The following CAT variants were observed in gnomAD, a reference collection of about 807,000 sequenced individuals.
CAT encodes the protein epididymis secretory sperm binding protein.
In CAT, 43 loss-of-function variants were observed where a neutral mutation model predicts 59.0. The observed-to-expected ratio is 0.73, with a 90% CI of 0.57 to 0.94. The LOEUF (loss-of-function observed/expected upper bound fraction) is 0.94, where lower values mean the gene tolerates loss of function less well. CAT is among the 40% of genes least tolerant of loss of function. CAT has a pLI of 0.00. For synonymous variants in CAT, 218 were observed against 230.9 expected, an observed-to-expected ratio of 0.94 and a Z score of 0.51; for missense variants, 664 against 682.9, an observed-to-expected ratio of 0.97 and a Z score of 0.31.
chr11:34,468,349 T>G lies in CAT; in HGVS notation c.1388T>G (p.Ile463Ser), dbSNP rs903991553. 2 of 1,614,152 alleles carry G rather than the reference T, an allele frequency of 1.2e-6. No individual in the cohort carries two copies. The highest frequency in any genetic ancestry group is 1.7e-6 in the Non-Finnish European group (2 of 1,179,992). ...EEQRKRLCENIAGHLKDAQIF... is the reference protein window; with the variant it reads ...EEQRKRLCENSAGHLKDAQIF... The stretch of plus-strand genomic sequence containing the variant: ...CAGAGGAAACGTCTGTGTGAGAACA[T>G]TGCCGGCCACCTGAAGGATGCACAA... Residue 463 changes from isoleucine to serine, a missense_variant, in exon 11 of 13, where the codon ATT becomes AGT. By Grantham distance (142) the Ile-to-Ser change is moderately radical (BLOSUM62 -2). Coordinates refer to ENST00000241052, the MANE Select transcript of CAT (RefSeq NM_001752.4).
intron 1 of CAT, among the ~76,000 whole-genome samples, chr11:34,441,343 T>C (rs1405306257): frequency 6.6e-6 from 1 of 152,260 alleles, no homozygotes; most frequent in Non-Finnish European, 1.5e-5. Flanking sequence ...ATTACGTTAC[T>C]CCATCTGTCT....
chr11:34,468,418 G>T, intron 11 of CAT, 23 bp downstream of exon 11: 2 of 1,520,076 alleles, frequency 1.3e-6, no homozygotes, highest in Non-Finnish European at 1.8e-6. Flanking sequence ...AAGCTGAAGG[G>T]TGTCCTCTGC....
At chr11:34,468,518 A>T (rs894768644) in intron 11 of CAT, 123 bp downstream of exon 11, 6 of 713,334 alleles carry the variant, frequency 8.4e-6, no homozygotes, top group Non-Finnish European at 1.5e-5. Flanking sequence ...CTTAAAAAAA[A>T]AAAAATAAAC....
chr11:34,456,030 A>C lies in CAT; in HGVS notation c.731A>C (p.Asn244Thr). Reference sequence around the variant, plus strand: ...TTGTAGACTGACCAGGGCATCAAAAACCTTTCTGTTGAAGATGCGGCGAGA... The same window carrying C: ...TTGTAGACTGACCAGGGCATCAAAACCCTTTCTGTTGAAGATGCGGCGAGA... ...FHYKTDQGIK[N>T]LSVEDAARLS... Residue 244 changes from asparagine to threonine, a missense_variant, in exon 7 of 13, where the codon AAC becomes ACC. Physicochemically the swap from Asn to Thr is moderately conservative, Grantham distance 65. Transcript: ENST00000241052. 1 of 1,614,088 alleles carries C rather than the reference A, an allele frequency of 6.2e-7. No individual in the cohort carries two copies. The highest frequency in any genetic ancestry group is 8.5e-7 in the Non-Finnish European group (1 of 1,179,998).
chr11:34,441,784 A>C (rs1434889566), intron 1 of CAT, among the ~76,000 whole-genome samples: 1 of 151,518 alleles, frequency 6.6e-6, no homozygotes, highest in African/African-American at 2.4e-5. Flanking sequence ...ACAGAGGGAG[A>C]CCCTGTCTTA....
Position 34,471,394 on chromosome 11 carries a change from C to T in CAT, c.1545C>T (p.Ser515=), listed in dbSNP as rs368688475. The change falls in exon 13 of 13, where the codon TCC becomes TCT. Residue 515 remains serine (S), a synonymous_variant. Coordinates refer to ENST00000241052, the MANE Select transcript of CAT (RefSeq NM_001752.4). ...ATGCGATTCACACCTTTGTGCAGTC[C>T]GGATCTCACTTGGCGGCAAGGGAGA... ...PKNAIHTFVQ[S]GSHLAAREKA... is the part of the protein sequence containing the mutation. 23 of 1,613,900 alleles carry T rather than the reference C, an allele frequency of 1.4e-5. No individual in the cohort carries two copies. The highest frequency in any genetic ancestry group is 4.5e-5 in the East Asian group (2 of 44,890).
chr11:34,446,611 C>T (rs776976713), intron 1 of CAT, among the ~76,000 whole-genome samples: 4 of 152,224 alleles, frequency 2.6e-5, no homozygotes, highest in Non-Finnish European at 4.4e-5. Context: ...GTGCTCTCAT[C>T]TCTGCCTTAG....
rs58169234 is a variant in CAT at position 34,445,495 on chromosome 11, C to CAAAAAAAAAAAAAA, written c.67-3683_67-3670dup. On this transcript the variant is annotated intron_variant, in intron 1 of 12. Transcript: ENST00000241052. ...TGGGCAATAGAGCGAGACTCCATCT[C>CAAAAAAAAAAAAAA]AAAAAAAAAAAAAAAAAAAAAAAAA... 7.7e-4 allele frequency among the ~76,000 whole-genome samples: 28 copies of CAAAAAAAAAAAAAA among 36,350 alleles called. 2 individuals are homozygous for CAAAAAAAAAAAAAA. Among genetic ancestry groups the CAAAAAAAAAAAAAA allele is most frequent in the African/African-American group, 2.2e-3 (18 of 8,108 alleles). 23.8% of individuals were successfully genotyped at this position (36,350 alleles called of 152,430 possible).
Position 34,439,029 on chromosome 11 carries a change from G to A in CAT, c.16G>A (p.Asp6Asn). 1 of 1,596,696 alleles carries A rather than the reference G, an allele frequency of 6.3e-7. No individual in the cohort carries two copies. Among genetic ancestry groups the A allele is most frequent in the Non-Finnish European group, 8.5e-7 (1 of 1,171,724 alleles). Reference sequence around the variant, plus strand: ...ACCGCACGCTATGGCTGACAGCCGGGATCCCGCCAGCGACCAGATGCAGCA... The same window carrying A: ...ACCGCACGCTATGGCTGACAGCCGGAATCCCGCCAGCGACCAGATGCAGCA... MADSR[D>N]PASDQMQHWK... The change falls in exon 1 of 13, where the codon GAT becomes AAT. Residue 6 changes from aspartate to asparagine, a missense_variant. By Grantham distance (23) the Asp-to-Asn change is conservative (BLOSUM62 1). Transcript: ENST00000241052.
chr11:34,462,707 C>T (rs563228430), intron 9 of CAT, among the ~76,000 whole-genome samples: 18 of 152,280 alleles, frequency 1.2e-4, no homozygotes, highest in East Asian at 5.8e-4. Context: ...CATGAGCCAC[C>T]GCGCCTGGCT....
chr11:34,459,514 G>A (rs1394664375), intron 8 of CAT, among the ~76,000 whole-genome samples: 1 of 152,248 alleles, frequency 6.6e-6, no homozygotes, highest in East Asian at 1.9e-4. Flanking sequence ...CACAGGTGCA[G>A]CCTTTCTTGC....
intron 1 of CAT, 103 bp from the exon 2 acceptor site, chr11:34,449,089 A>T: frequency 9.9e-7 from 1 of 1,007,666 alleles, no homozygotes; most frequent in Non-Finnish European, 1.5e-6. Context: ...ATTAAAAAAG[A>T]GGGCAGATGG....
intron 9 of CAT, among the ~76,000 whole-genome samples, chr11:34,463,610 A>G (rs1856678412): frequency 6.6e-6 from 1 of 152,236 alleles, no homozygotes; most frequent in Non-Finnish European, 1.5e-5. Context: ...ACAGAGCTCC[A>G]TGCTTGTGTC....
At chr11:34,442,607 G>GA (rs950814758) in intron 1 of CAT, among the ~76,000 whole-genome samples, 2 of 150,670 alleles carry the variant, frequency 1.3e-5, no homozygotes, top group African/African-American at 2.4e-5. Flanking sequence ...ATCTCAAAAA[G>GA]AAAAAAAAAG....
intron 1 of CAT, among the ~76,000 whole-genome samples, chr11:34,447,655 T>TCATGA (rs1482452220): frequency 1.4e-4 from 22 of 152,032 alleles, no homozygotes; most frequent in Non-Finnish European, 2.8e-4. Flanking sequence ...TATGCATCTG[T>TCATGA]CATGATTACT....
intron 1 of CAT, among the ~76,000 whole-genome samples, chr11:34,445,517 A>AAAAAG (rs1856441598): frequency 2.0e-5 from 3 of 150,646 alleles, no homozygotes; most frequent in African/African-American, 7.3e-5. Flanking sequence ...AAAAAAAAAA[A>AAAAAG]AAAAAGAAAA....
intron 1 of CAT, 26 bp downstream of exon 1, chr11:34,439,105 C>T (rs534053039): frequency 2.6e-6 from 4 of 1,562,866 alleles, no homozygotes; most frequent in Non-Finnish European, 2.6e-6. Context: ...CCCGAGCGGG[C>T]CCGAAGGTCC....
Position 34,439,179 on chromosome 11 carries a change from A to G in CAT, c.66+100A>G, listed in dbSNP as rs938817273. 2.7e-5 allele frequency: 31 copies of G among 1,133,114 alleles called. No homozygotes were observed. In the Admixed American group the frequency reaches 5.2e-4, roughly 19 times the overall value. The allele number at this position is 1,133,114 out of a possible 1,614,324, so 70.2% of individuals were successfully genotyped here. On this transcript the variant is annotated intron_variant, in intron 1 of 12. Coordinates refer to ENST00000241052, the MANE Select transcript of CAT (RefSeq NM_001752.4). ...TTCCCCCGGGGCGGCGCTTGGAGGG[A>G]CTGTACCGCGGCTCACTGGGCAGGG...
At position 34,451,040 on chromosome 11, in the gene CAT, A is replaced by G. The variant is rs750641506; in HGVS notation, c.291A>G (p.Ala97=). The change falls in exon 3 of 13, where the codon GCA becomes GCG. Residue 97 remains alanine, a synonymous_variant. Transcript: ENST00000241052. ...VTHDITKYSK[A]KVFEHIGKKT... ...ATGACATTACCAAATACTCCAAGGCAAAGGTATTTGAGCATATTGGAAAGA... is the reference window on the plus strand; with the variant it reads ...ATGACATTACCAAATACTCCAAGGCGAAGGTATTTGAGCATATTGGAAAGA... 1.4e-4 allele frequency: 230 copies of G among 1,613,888 alleles called. No homozygotes were observed. The highest frequency in any genetic ancestry group is 1.8e-4 in the Non-Finnish European group (216 of 1,179,868).
Sources: allele counts gnomAD v4.1 joint callset (sites outside exome capture counted in the v4.1 genomes callset), GRCh38; gene constraint gnomAD v4.1.1; transcripts MANE v1.5; gene names NCBI Gene and HGNC (gene_info 2026-07-23, HGNC 2026-07-21).